The following CHCHD3 variants were observed in gnomAD, a reference collection of about 807,000 sequenced individuals.
The protein encoded by CHCHD3 is coiled-coil-helix-coiled-coil-helix domain containing 3, also known as MICOS complex subunit MIC19.
Under a neutral mutation model 38.2 loss-of-function variants are expected in CHCHD3, and 20 were observed. That is an observed-to-expected ratio of 0.52 (90% confidence interval 0.37 to 0.76). The LOEUF is 0.76. Among genes scored for constraint, CHCHD3 ranks in the 30% least tolerant of loss-of-function variants. The pLI is 0.00. For synonymous variants in CHCHD3, 82 were observed against 100.0 expected (o/e 0.82, Z 1.07); for missense variants, 245 against 279.2 (o/e 0.88, Z 0.87).
intron 2 of CHCHD3, among the ~76,000 whole-genome samples, chr7:133,027,872 C>T (rs1813390352): frequency 6.6e-6 from 1 of 152,052 alleles, no homozygotes. Context: ...ACAAAAAGTC[C>T]AAATAGTCTG....
At chr7:132,941,716 T>C (rs994567082) in intron 4 of CHCHD3, among the ~76,000 whole-genome samples, 5 of 152,140 alleles carry the variant, frequency 3.3e-5, no homozygotes, top group Admixed American at 3.3e-4. Context: ...CTGAGTGATC[T>C]GATGGGGCAG....
At chr7:132,896,361 G>A (rs1809496836) in intron 4 of CHCHD3, among the ~76,000 whole-genome samples, 1 of 152,190 alleles carries the variant, frequency 6.6e-6, no homozygotes, top group African/African-American at 2.4e-5. Flanking sequence ...CTTGGGCAGT[G>A]ACTATGCCAT....
chr7:133,044,294 C>T (rs577077793), intron 2 of CHCHD3, among the ~76,000 whole-genome samples: 9 of 152,310 alleles, frequency 5.9e-5, no homozygotes, highest in Admixed American at 1.3e-4. Flanking sequence ...TCTCCATTAG[C>T]GCTTTTAACA....
In CHCHD3 at chr7:132,844,378, A is replaced by T. The variant is rs145468468; in HGVS notation, c.454-5909T>A. On this transcript the variant is annotated intron_variant, in intron 5 of 7. Coordinates refer to ENST00000262570, the MANE Select transcript of CHCHD3 (RefSeq NM_017812.4). ...TAAGGTGATCTTCTAATGAATAATC[A>T]TTTTTTTGTGTGTAACAACATATCA... 1.2e-4 allele frequency among the ~76,000 whole-genome samples: 19 copies of T among 152,270 alleles called. 1 individual carries two copies. Among genetic ancestry groups the T allele is most frequent in the Middle Eastern group, 3.4e-3 (1 of 294 alleles).
At chr7:132,984,740 T>C (rs1812041812) in intron 3 of CHCHD3, among the ~76,000 whole-genome samples, 1 of 149,188 alleles carries the variant, frequency 6.7e-6, no homozygotes, top group Non-Finnish European at 1.5e-5. Context: ...GGAGACCCTC[T>C]GCCTGGCAAC....
chr7:132,853,240 G>T (rs77650726), intron 5 of CHCHD3, among the ~76,000 whole-genome samples: 1 of 152,132 alleles, frequency 6.6e-6, no homozygotes, highest in Non-Finnish European at 1.5e-5. Context: ...GATGGTGTAC[G>T]CAAGGCAAAG....
intron 7 of CHCHD3, among the ~76,000 whole-genome samples, chr7:132,796,182 C>T (rs1806606327): frequency 6.6e-6 from 1 of 151,916 alleles, no homozygotes; most frequent in South Asian, 2.1e-4. Flanking sequence ...AAGTTCAGGG[C>T]AAGTGGAAAA....
chr7:133,025,293 G>A (rs1308916193), intron 2 of CHCHD3, among the ~76,000 whole-genome samples: 1 of 152,190 alleles, frequency 6.6e-6, no homozygotes, highest in Non-Finnish European at 1.5e-5. Context: ...AAGACTGTGT[G>A]TGGTATGTTT....
At chr7:132,840,897 A>AACACACACACACAATC (rs1554374150) in intron 5 of CHCHD3, among the ~76,000 whole-genome samples, 2 of 150,520 alleles carry the variant, frequency 1.3e-5, no homozygotes, top group Non-Finnish European at 2.9e-5. Context: ...AGGATGTTAA[A>AACACACACACACAATC]ACACACACAC....
At chr7:133,064,940 T>C (rs768959410) in intron 2 of CHCHD3, among the ~76,000 whole-genome samples, 6 of 152,146 alleles carry the variant, frequency 3.9e-5, no homozygotes, top group Non-Finnish European at 8.8e-5. Context: ...GGGTCAACCA[T>C]GAGAGGTCTG....
chr7:133,017,981 G>C (rs1021722735), intron 3 of CHCHD3, among the ~76,000 whole-genome samples: 4 of 152,082 alleles, frequency 2.6e-5, no homozygotes, highest in Non-Finnish European at 5.9e-5. Flanking sequence ...AAAAATACTG[G>C]GTGGCTAGGA....
intron 4 of CHCHD3, among the ~76,000 whole-genome samples, chr7:132,952,056 G>A (rs1320609516): frequency 6.6e-6 from 1 of 152,184 alleles, no homozygotes; most frequent in African/African-American, 2.4e-5. Context: ...AGATTTCACT[G>A]TCATACAATG....
intron 4 of CHCHD3, among the ~76,000 whole-genome samples, chr7:132,962,198 A>G (rs77886666): frequency 2.6e-5 from 4 of 152,176 alleles, no homozygotes; most frequent in African/African-American, 9.7e-5. Flanking sequence ...CAACTTTAAC[A>G]GTTTTTCTTT....
chr7:132,944,615 TA>T lies in CHCHD3; in HGVS notation c.369+30553del, dbSNP rs561398170. ...TTGTAATAAAATAATTACATTGTTG[TA>T]AAAAAAAATGTATAAATAGTAGTAA... is the stretch of plus-strand genomic sequence containing the variant. On this transcript the variant is annotated intron_variant, in intron 4 of 7. Transcript: ENST00000262570. 2.4e-4 allele frequency among the ~76,000 whole-genome samples: 36 copies of T among 150,736 alleles called. 1 individual carries two copies. The highest frequency in any genetic ancestry group is 9.9e-4 in the Admixed American group (15 of 15,100).
chr7:133,019,062 TA>T, intron 3 of CHCHD3, among the ~76,000 whole-genome samples: 1 of 151,948 alleles, frequency 6.6e-6, no homozygotes, highest in Middle Eastern at 3.2e-3. Flanking sequence ...TTTGTATTTT[TA>T]GTAGAGATGG....
chr7:132,966,328 T>G (rs1723866207), intron 4 of CHCHD3, among the ~76,000 whole-genome samples: 1 of 152,146 alleles, frequency 6.6e-6, no homozygotes, highest in Admixed American at 6.5e-5. Flanking sequence ...GGTAAGGGAA[T>G]AGTTACAAGA....
At chr7:133,055,509 TTATAA>T (rs1158712143) in intron 2 of CHCHD3, among the ~76,000 whole-genome samples, 39 of 142,652 alleles carry the variant, frequency 2.7e-4, no homozygotes, top group African/African-American at 9.5e-4. Flanking sequence ...TTATAATTAA[TTATAA>T]TATAATTGTT....
intron 5 of CHCHD3, among the ~76,000 whole-genome samples, chr7:132,843,162 C>A (rs985201636): frequency 2.0e-5 from 3 of 152,156 alleles, no homozygotes; most frequent in Non-Finnish European, 4.4e-5. Context: ...CTCAGCCTCC[C>A]GAGTAGCTAG....
chr7:132,862,796 T>C lies in CHCHD3; in HGVS notation c.453+22866A>G, dbSNP rs546574079. On this transcript the variant is annotated intron_variant, in intron 5 of 7. Transcript: ENST00000262570. The stretch of plus-strand genomic sequence containing the variant: ...TCCTGTCATTTCAGCAATATTCACA[T>C]CATCTTTACCAACAGTAGACTCTAT... 1.9e-3 allele frequency among the ~76,000 whole-genome samples: 293 copies of C among 152,340 alleles called. 2 individuals are homozygous for C. The highest frequency in any genetic ancestry group is 6.6e-3 in the African/African-American group (276 of 41,586).
Sources: gnomAD v4.1 joint callset for allele counts (sites outside exome capture counted in the v4.1 genomes callset) on GRCh38, gnomAD v4.1.1 for gene constraint, MANE v1.5 for transcripts, NCBI Gene and HGNC (gene_info 2026-07-23, HGNC 2026-07-21) for gene names.